Variants in GRK3 observed in about 807,000 individuals in gnomAD.
GRK3 encodes adrenergic, beta, receptor kinase 2.
GRK3 carries 54 observed loss-of-function variants against 95.7 expected under a neutral mutation model. The ratio of observed to expected loss-of-function variants is 0.56; its 90% CI spans 0.45 to 0.71. GRK3 has a LOEUF of 0.71. GRK3 is among the 30% of genes least tolerant of loss of function. The probability of loss-of-function intolerance (pLI) is 0.00; values close to 1 mark genes in which losing one functional copy is unlikely to be tolerated. For synonymous variants in GRK3, 281 were observed against 290.8 expected (o/e 0.97, Z 0.34); for missense variants, 649 against 851.2 (o/e 0.76, Z 2.96).
At chr22:25,648,618 G>C (rs1197113116) in intron 3 of GRK3, 1 of 1,116,038 alleles carries the variant, frequency 9.0e-7, no homozygotes, top group East Asian at 2.4e-5. Context: ...ATATGCTGTT[G>C]TTTCTGAAGA....
rs1568945578 is a variant in GRK3 at position 25,725,684 on chromosome 22, C to T, written c.*3234C>T. 7 of 398,444 alleles carry T rather than the reference C, an allele frequency of 1.8e-5. No homozygotes were observed. The highest frequency in any genetic ancestry group is 3.6e-5 in the East Asian group (1 of 28,076). The allele number at this position is 398,444 out of a possible 1,614,324, so 24.7% of individuals were successfully genotyped here. On this transcript the variant is annotated 3_prime_UTR_variant, in exon 21 of 21. Transcript: ENST00000324198. ...GGGGCTGGCCGGGCACGATGGCTCA[C>T]GCCTATAATCCCAGCACTTTGGGAG...
At position 25,704,219 on chromosome 22, in the gene GRK3, T is replaced by A; in HGVS notation, c.1328+10T>A. ...GCTGTCACGGAGGCGGGTAGGCCAT[T>A]GTTCCTGCCTTTCGGTATCTTTACC... On this transcript the variant is annotated intron_variant, in intron 15 of 20. Coordinates refer to ENST00000324198, the MANE Select transcript of GRK3 (RefSeq NM_005160.4). 6.2e-7 allele frequency: 1 copy of A among 1,602,808 alleles called. No homozygotes were observed. Among genetic ancestry groups the A allele is most frequent in the Non-Finnish European group, 8.5e-7 (1 of 1,171,964 alleles).
At chr22:25,664,098 A>G (rs78176124) in intron 5 of GRK3, among the ~76,000 whole-genome samples, 420 of 152,310 alleles carry the variant, frequency 2.8e-3, no homozygotes, top group African/African-American at 9.6e-3. Context: ...TCTAGGGGAA[A>G]TACAATTTAT....
At chr22:25,679,623 G>T (rs1312351315) in intron 9 of GRK3, among the ~76,000 whole-genome samples, 1 of 152,220 alleles carries the variant, frequency 6.6e-6, no homozygotes, top group Non-Finnish European at 1.5e-5. Flanking sequence ...ACAGATGCCA[G>T]TGTATGTGAA....
chr22:25,648,909 A>G (rs2084807508), intron 3 of GRK3: 4 of 899,252 alleles, frequency 4.4e-6, no homozygotes, highest in Non-Finnish European at 7.6e-6. Flanking sequence ...AGAATTTCCA[A>G]TCAAATGGAC....
intron 1 of GRK3, among the ~76,000 whole-genome samples, chr22:25,573,661 G>A (rs1253120500): frequency 1.3e-5 from 2 of 152,212 alleles, no homozygotes; most frequent in African/African-American, 4.8e-5. Context: ...CACTTTGGGA[G>A]GCTGAGGCAG....
chr22:25,584,592 T>A (rs1932227257), intron 1 of GRK3, among the ~76,000 whole-genome samples: 1 of 152,272 alleles, frequency 6.6e-6, no homozygotes. Context: ...TTCTAAGAAG[T>A]AAGAATGTTC....
At chr22:25,696,991 C>A (rs1344079) in intron 13 of GRK3, among the ~76,000 whole-genome samples, 5,395 of 152,240 alleles carry the variant, frequency 0.035, 129 homozygotes, top group Middle Eastern at 0.099. Flanking sequence ...CGCTTCTATG[C>A]ATATGGAGTG....
intron 2 of GRK3, among the ~76,000 whole-genome samples, chr22:25,620,257 C>A (rs1043630293): frequency 6.6e-6 from 1 of 152,076 alleles, no homozygotes; most frequent in African/African-American, 2.4e-5. Flanking sequence ...TTTGACCAGG[C>A]CTGTCTTTCA....
intron 19 of GRK3, among the ~76,000 whole-genome samples, chr22:25,718,746 G>A (rs1313477791): frequency 2.0e-5 from 3 of 152,154 alleles, no homozygotes; most frequent in Non-Finnish European, 2.9e-5. Flanking sequence ...CTTTGAACAC[G>A]TCACATTGAC....
Position 25,725,744 on chromosome 22 carries a change from A to G in GRK3, c.*3294A>G. 1 of 397,140 alleles carries G rather than the reference A, an allele frequency of 2.5e-6. No individual in the cohort carries two copies. Among genetic ancestry groups the G allele is most frequent in the Non-Finnish European group, 4.4e-6 (1 of 225,446 alleles). The allele number at this position is 397,140 out of a possible 1,614,324, so 24.6% of individuals were successfully genotyped here. ...GGCGGTTCACGAGGTCAGGAGATTG[A>G]GACCATCCTGGTTAGCAGAGTGAAA... On this transcript the variant is annotated 3_prime_UTR_variant, in exon 21 of 21. Coordinates refer to ENST00000324198, the MANE Select transcript of GRK3 (RefSeq NM_005160.4).
At chr22:25,656,072 T>C (rs1175639364) in intron 3 of GRK3, among the ~76,000 whole-genome samples, 3 of 152,148 alleles carry the variant, frequency 2.0e-5, no homozygotes, top group African/African-American at 7.2e-5. Flanking sequence ...ACTGGAATGA[T>C]TATAGTACCT....
At chr22:25,674,621 A>G (rs1427369951) in intron 8 of GRK3, 93 bp downstream of exon 8, 4 of 977,424 alleles carry the variant, frequency 4.1e-6, no homozygotes, top group Non-Finnish European at 3.1e-6. Context: ...GTGGAAACCT[A>G]TGACATTTCT....
intron 3 of GRK3, among the ~76,000 whole-genome samples, chr22:25,657,712 A>G (rs1461668325): frequency 6.6e-6 from 1 of 151,896 alleles, no homozygotes; most frequent in Non-Finnish European, 1.5e-5. Context: ...TTATATATAT[A>G]TTTTTTACCA....
chr22:25,685,140 T>G (rs780673127), intron 9 of GRK3, 30 bp from the exon 10 acceptor site: 5 of 1,528,492 alleles, frequency 3.3e-6, no homozygotes, highest in Non-Finnish European at 4.5e-6. Flanking sequence ...GCTTTTGCTC[T>G]TCTTATAAAC....
chr22:25,687,007 A>G (rs1331532897), intron 10 of GRK3, among the ~76,000 whole-genome samples: 1 of 152,082 alleles, frequency 6.6e-6, no homozygotes, highest in Non-Finnish European at 1.5e-5. Context: ...TTTAATAGAG[A>G]CGGAGTTTCA....
intron 2 of GRK3, among the ~76,000 whole-genome samples, chr22:25,619,084 T>C (rs2084561237): frequency 6.6e-6 from 1 of 152,188 alleles, no homozygotes; most frequent in South Asian, 2.1e-4. Context: ...GTGAGAAAAT[T>C]TGATAAATAC....
At chr22:25,605,453 A>T (rs543284602) in intron 2 of GRK3, among the ~76,000 whole-genome samples, 1 of 152,386 alleles carries the variant, frequency 6.6e-6, no homozygotes, top group African/African-American at 2.4e-5. Flanking sequence ...TTGTGCTAAA[A>T]AACAAAATAA....
At chr22:25,621,992 AATAACCAGTTTTT>A (rs2084589584) in intron 2 of GRK3, among the ~76,000 whole-genome samples, 1 of 152,180 alleles carries the variant, frequency 6.6e-6, no homozygotes, top group South Asian at 2.1e-4. Flanking sequence ...GCCTTGGTAA[AATAACCAGTTTTT>A]CCAACTGTGT....
Sources: allele counts gnomAD v4.1 joint callset (sites outside exome capture counted in the v4.1 genomes callset), GRCh38; gene constraint gnomAD v4.1.1; transcripts MANE v1.5; gene names NCBI Gene and HGNC (gene_info 2026-07-23, HGNC 2026-07-21).